RELN: variants seen among roughly 807,000 people sequenced by gnomAD.
RELN encodes the protein reelin.
Under a neutral mutation model 427.6 loss-of-function variants are expected in RELN, and 108 were observed. The observed-to-expected ratio is 0.25, with a 90% CI of 0.22 to 0.30. RELN has a LOEUF of 0.30. Among genes scored for constraint, RELN ranks in the 10% least tolerant of loss-of-function variants. The probability of loss-of-function intolerance (pLI) is 1.00; values close to 1 mark genes in which losing one functional copy is unlikely to be tolerated. For synonymous variants in RELN, 1,524 were observed against 1,513.4 expected (o/e 1.01, Z -0.16); for missense variants, 3,715 against 4,302.8 (o/e 0.86, Z 3.82).
intron 6 of RELN, among the ~76,000 whole-genome samples, chr7:103,746,101 G>T (rs891062982): frequency 6.6e-6 from 1 of 152,044 alleles, no homozygotes; most frequent in Non-Finnish European, 1.5e-5. Flanking sequence ...AGAGCCCTCA[G>T]AAATAATGCT....
At chr7:103,903,826 G>A (rs1162403244) in intron 2 of RELN, among the ~76,000 whole-genome samples, 1 of 150,636 alleles carries the variant, frequency 6.6e-6, no homozygotes, top group African/African-American at 2.4e-5. Context: ...AATGGTTTCT[G>A]AGTACATATC....
At chr7:103,475,267 G>C (rs1827994782) in intron 64 of RELN, among the ~76,000 whole-genome samples, 1 of 151,708 alleles carries the variant, frequency 6.6e-6, no homozygotes, top group South Asian at 2.1e-4. Context: ...TGCTTTGAAG[G>C]AGTTTGTGTT....
intron 2 of RELN, among the ~76,000 whole-genome samples, chr7:103,909,824 AAT>A (rs1256531536): frequency 1.8e-5 from 1 of 54,354 alleles, no homozygotes; most frequent in Non-Finnish European, 3.8e-5. Flanking sequence ...TTATATATAA[AAT>A]ATATATATTT....
At chr7:103,865,542 C>T (rs1794177929) in intron 2 of RELN, among the ~76,000 whole-genome samples, 1 of 152,036 alleles carries the variant, frequency 6.6e-6, no homozygotes, top group Non-Finnish European at 1.5e-5. Flanking sequence ...TCATACAGGA[C>T]CATATTCCAT....
intron 3 of RELN, among the ~76,000 whole-genome samples, chr7:103,780,673 T>C (rs550126755): frequency 6.6e-6 from 1 of 152,362 alleles, no homozygotes; most frequent in Admixed American, 6.5e-5. Flanking sequence ...GTTCCTATGT[T>C]AGTTTGCTAA....
chr7:103,708,462 C>CTTTTTTTTTTTTT lies in RELN; in HGVS notation c.806-7457_806-7456insAAAAAAAAAAAAA, dbSNP rs1562965678. ...GTCACCCAAACACCAGTGGGTATGA[C>CTTTTTTTTTTTTT]TCTTTTTTTTTTTTTTTTTGAGACG... On this transcript the variant is annotated intron_variant, in intron 8 of 64. Transcript: ENST00000428762. Among the ~76,000 whole-genome samples the CTTTTTTTTTTTTT allele has an allele frequency of 4.1e-5, 4 of 96,874 alleles. No individual in the cohort carries two copies. The East Asian group carries it at 1.2e-3, about 28-fold the overall frequency. 63.6% of individuals were successfully genotyped at this position (96,874 alleles called of 152,430 possible).
intron 63 of RELN, among the ~76,000 whole-genome samples, chr7:103,481,517 C>T (rs1013689972): frequency 3.3e-5 from 5 of 152,178 alleles, no homozygotes; most frequent in Non-Finnish European, 7.3e-5. Context: ...GCTTTTAAAA[C>T]AAGAATGATG....
chr7:103,943,841 C>T (rs1032720313), intron 1 of RELN, among the ~76,000 whole-genome samples: 9 of 77,628 alleles, frequency 1.2e-4, no homozygotes, highest in Non-Finnish European at 2.1e-4. Context: ...GAGCAAGATT[C>T]TGTCTCCAAA....
intron 8 of RELN, among the ~76,000 whole-genome samples, chr7:103,711,091 C>T (rs1376467559): frequency 6.6e-6 from 1 of 151,790 alleles, no homozygotes; most frequent in African/African-American, 2.4e-5. Context: ...AGTACACAGC[C>T]AAAAAGATAT....
intron 6 of RELN, among the ~76,000 whole-genome samples, chr7:103,742,105 C>T (rs759699580): frequency 7.2e-5 from 11 of 152,146 alleles, no homozygotes; most frequent in Non-Finnish European, 1.6e-4. Flanking sequence ...ATTTGAGGTT[C>T]ACCAATATTT....
Position 103,565,444 on chromosome 7 carries a change from C to G in RELN, c.5044G>C (p.Val1682Leu), listed in dbSNP as rs727504125. 1 of 1,613,784 alleles carries G rather than the reference C, an allele frequency of 6.2e-7. No homozygotes were observed. The highest frequency in any genetic ancestry group is 8.5e-7 in the Non-Finnish European group (1 of 1,179,952). ...CSKPFSNSHS[V>L]QLQYSLNNGK... The stretch of plus-strand genomic sequence containing the variant: ...TTGTTCAGAGAATACTGGAGCTGTA[C>G]ACTGTGGGAGTTGCTGAAGGGCTTG... Residue 1682 changes from valine to leucine, a missense_variant, in exon 34 of 65, where the codon GTA becomes CTA. This residue lies in a region of RELN where 2,208 missense variants were observed against 2,361.7 expected (regional missense o/e 0.93). Coordinates refer to ENST00000428762, the MANE Select transcript of RELN (RefSeq NM_005045.4).
chr7:103,828,645 T>C (rs975384615), intron 3 of RELN, among the ~76,000 whole-genome samples: 1 of 151,896 alleles, frequency 6.6e-6, no homozygotes, highest in Non-Finnish European at 1.5e-5. Context: ...ATTCACACAT[T>C]CCCCACATGA....
chr7:103,636,845 T>C (rs362698), intron 17 of RELN, among the ~76,000 whole-genome samples: 22,722 of 152,238 alleles, frequency 0.15, 1,881 homozygotes, highest in East Asian at 0.29. Flanking sequence ...TCCAATAAGA[T>C]ACCCAGAATA....
intron 16 of RELN, among the ~76,000 whole-genome samples, chr7:103,644,506 T>C (rs1446357744): frequency 2.0e-5 from 3 of 149,108 alleles, no homozygotes; most frequent in East Asian, 3.9e-4. Flanking sequence ...GTTTTAACAA[T>C]AGACTAGACC....
At chr7:103,558,363 T>C (rs1830570462) in intron 36 of RELN, among the ~76,000 whole-genome samples, 1 of 152,174 alleles carries the variant, frequency 6.6e-6, no homozygotes, top group Non-Finnish European at 1.5e-5. Context: ...ACAGCCTCCT[T>C]TGATCACAGC....
chr7:103,773,462 T>TCTCTCCCTCGCTCCCTCCCTCG (rs1563005028), intron 4 of RELN, among the ~76,000 whole-genome samples: 1 of 144,150 alleles, frequency 6.9e-6, no homozygotes. Flanking sequence ...TCCCTCCCTC[T>TCTCTCCCTCGCTCCCTCCCTCG]CTCTCTCTCT....
chr7:103,947,913 A>G lies in RELN; in HGVS notation c.227-30728T>C, dbSNP rs149875941. 9.2e-3 allele frequency among the ~76,000 whole-genome samples: 1,396 copies of G among 152,292 alleles called. 29 individuals are homozygous for G. Among genetic ancestry groups the G allele is most frequent in the African/African-American group, 0.032 (1,312 of 41,558 alleles). On this transcript the variant is annotated intron_variant, in intron 1 of 64. Transcript: ENST00000428762. Reference sequence around the variant, plus strand: ...TTCTAACTTTTTCACATTGATATGGATTTTTAGCATGAAATGATCTTTTTC... The same window carrying G: ...TTCTAACTTTTTCACATTGATATGGGTTTTTAGCATGAAATGATCTTTTTC...
intron 6 of RELN, among the ~76,000 whole-genome samples, chr7:103,733,047 A>G (rs1228064681): frequency 6.6e-6 from 1 of 152,088 alleles, no homozygotes; most frequent in Non-Finnish European, 1.5e-5. Flanking sequence ...TTATGGTTTT[A>G]GGTCTAACGT....
intron 11 of RELN, among the ~76,000 whole-genome samples, chr7:103,673,821 T>C (rs560047515): frequency 7.1e-4 from 108 of 152,292 alleles, no homozygotes; most frequent in African/African-American, 2.4e-3. Context: ...TTTTCTTTTA[T>C]TGGTGTTCTA....
Sources: allele counts gnomAD v4.1 joint callset (sites outside exome capture counted in the v4.1 genomes callset), GRCh38; gene constraint gnomAD v4.1.1; regional missense constraint gnomAD v4.1.1; transcripts MANE v1.5; gene names NCBI Gene and HGNC (gene_info 2026-07-23, HGNC 2026-07-21).